Variants in MGAT3 observed in about 807,000 individuals in gnomAD.
MGAT3 encodes GlcNAc-T III.
MGAT3 carries 9 observed loss-of-function variants against 29.8 expected under a neutral mutation model. The ratio of observed to expected loss-of-function variants is 0.30; its 90% CI spans 0.18 to 0.53. MGAT3 has a LOEUF of 0.53. Ranked by LOEUF, MGAT3 falls within the 20% of genes least tolerant of loss-of-function variation. The pLI, the probability that MGAT3 is intolerant of heterozygous loss-of-function variation, is 0.96. For missense variants in MGAT3, 557 were observed against 769.5 expected, an observed-to-expected ratio of 0.72 and a Z score of 3.27; for synonymous variants, 397 against 348.9, an observed-to-expected ratio of 1.14 and a Z score of -1.54.
At chr22:39,460,901 A>G (rs1196654149) in intron 1 of MGAT3, among the ~76,000 whole-genome samples, 2 of 152,076 alleles carry the variant, frequency 1.3e-5, no homozygotes, top group Non-Finnish European at 2.9e-5. Context: ...TTCCAGAACG[A>G]GTCTCCCGAT....
chr22:39,485,289 GT>G (rs1221567606), intron 1 of MGAT3, among the ~76,000 whole-genome samples: 1 of 152,152 alleles, frequency 6.6e-6, no homozygotes, highest in Non-Finnish European at 1.5e-5. Context: ...ACGGTCGGAG[GT>G]GCTCTGTGGC....
In MGAT3 at chr22:39,488,505, C is replaced by T. The variant is rs769055226; in HGVS notation, c.1158C>T (p.Tyr386=). ...GCATCCGCCTGCGCCGCCGCCAGTA[C>T]TACACCATGCCCAACTTCAGACAGT... is the stretch of plus-strand genomic sequence containing the variant. ...LDGIRLRRRQ[Y]YTMPNFRQYE... is the part of the protein sequence containing the mutation. The change falls in exon 2 of 2, where the codon TAC becomes TAT. Residue 386 remains tyrosine, a synonymous_variant. Transcript: ENST00000341184. The T allele has an allele frequency of 2.5e-6, 4 of 1,613,230 alleles. No individual in the cohort carries two copies. In the East Asian group the frequency reaches 6.7e-5, roughly 27 times the overall value.
At position 39,488,061 on chromosome 22, in the gene MGAT3, C is replaced by T. The variant is rs5995740; in HGVS notation, c.714C>T (p.Cys238=). 1 of 1,612,570 alleles carries T rather than the reference C, an allele frequency of 6.2e-7. No individual in the cohort carries two copies. The highest frequency in any genetic ancestry group is 8.5e-7 in the Non-Finnish European group (1 of 1,179,252). The change falls in exon 2 of 2, where the codon TGC becomes TGT. Residue 238 remains cysteine, a synonymous_variant. Coordinates refer to ENST00000341184, the MANE Select transcript of MGAT3 (RefSeq NM_002409.5). ...ACGTGGTGGACGCCTTTGTGGTGTG[C>T]GAGTCCAACTTCACGGCTTATGGGG... The part of the protein sequence containing the change: ...LGDVVDAFVV[C]ESNFTAYGEP...
intron 1 of MGAT3, among the ~76,000 whole-genome samples, chr22:39,460,510 C>T (rs76605544): frequency 0.015 from 2,355 of 152,162 alleles, 56 homozygotes; most frequent in African/African-American, 0.054. Context: ...TCTAAAATGG[C>T]GCTGAGGCGA....
At chr22:39,459,359 C>T (rs1928435912) in intron 1 of MGAT3, among the ~76,000 whole-genome samples, 1 of 152,218 alleles carries the variant, frequency 6.6e-6, no homozygotes, top group Non-Finnish European at 1.5e-5. Flanking sequence ...CAGGCGTGAG[C>T]CACCTCGCCC....
intron 1 of MGAT3, among the ~76,000 whole-genome samples, chr22:39,473,394 C>T (rs868276752): frequency 5.3e-5 from 8 of 152,180 alleles, no homozygotes; most frequent in East Asian, 1.9e-4. Flanking sequence ...ATCAGGAACA[C>T]GATAACTAAC....
chr22:39,465,595 A>G (rs769168185), intron 1 of MGAT3, among the ~76,000 whole-genome samples: 1 of 152,058 alleles, frequency 6.6e-6, no homozygotes, highest in Non-Finnish European at 1.5e-5. Flanking sequence ...CTTAGCACTC[A>G]ATTTCCATAT....
At chr22:39,460,843 A>G (rs1928478569) in intron 1 of MGAT3, among the ~76,000 whole-genome samples, 2 of 152,124 alleles carry the variant, frequency 1.3e-5, no homozygotes, top group South Asian at 4.1e-4. Context: ...GTGCACTGTT[A>G]CTATTTGAAC....
chr22:39,471,768 G>A (rs918260870), intron 1 of MGAT3, among the ~76,000 whole-genome samples: 12 of 152,146 alleles, frequency 7.9e-5, no homozygotes, highest in African/African-American at 2.7e-4. Context: ...GGGCAGAGGG[G>A]CAGAGCGACA....
chr22:39,472,315 G>A (rs937315941), intron 1 of MGAT3, among the ~76,000 whole-genome samples: 2 of 152,164 alleles, frequency 1.3e-5, no homozygotes, highest in Non-Finnish European at 1.5e-5. Flanking sequence ...CCCTGTCCCT[G>A]CCCGGTACTT....
chr22:39,469,633 C>T (rs924074341), intron 1 of MGAT3, among the ~76,000 whole-genome samples: 3 of 152,238 alleles, frequency 2.0e-5, no homozygotes, highest in Admixed American at 6.5e-5. Context: ...CACTGCCACC[C>T]GGGGCACAAT....
In MGAT3 at chr22:39,489,564, G is replaced by A. The variant is rs1421277710; in HGVS notation, c.*615G>A. The A allele has an allele frequency of 5.9e-6, 1 of 168,914 alleles. No homozygotes were observed. Among genetic ancestry groups the A allele is most frequent in the Non-Finnish European group, 1.4e-5 (1 of 69,508 alleles). 10.5% of individuals were successfully genotyped at this position (168,914 alleles called of 1,614,324 possible). A position where few individuals can be genotyped will look rare whatever the true frequency, so the allele number is the denominator to read the frequency against. On this transcript the variant is annotated 3_prime_UTR_variant, in exon 2 of 2. Transcript: ENST00000341184. ...CAGAACTCCACCCCCTGCCGCAAAGGACAGGACCTGGCTGCCCTGGGATGC... is the reference window on the plus strand; with the variant it reads ...CAGAACTCCACCCCCTGCCGCAAAGAACAGGACCTGGCTGCCCTGGGATGC...
chr22:39,486,351 G>A (rs548242530), intron 1 of MGAT3: 11 of 269,102 alleles, frequency 4.1e-5, no homozygotes, highest in South Asian at 3.5e-4. Flanking sequence ...CACCATGTTG[G>A]CCAGGCTGGT....
Position 39,487,214 on chromosome 22 carries a change from A to C in MGAT3, c.-1-133A>C, listed in dbSNP as rs1601730530. On this transcript the variant is annotated intron_variant, in intron 1 of 1. Transcript: ENST00000341184. This position sits in a 1 kb window ranked among gnomAD's most constrained non-coding sequence, Gnocchi z 5.7. Reference sequence around the variant, plus strand: ...AGTTGACTCTTGGGGGCAGGAGGTCACTCCATGCAGGGGCAGCAGGTGCTG... The same window carrying C: ...AGTTGACTCTTGGGGGCAGGAGGTCCCTCCATGCAGGGGCAGCAGGTGCTG... 1.1e-6 allele frequency: 1 copy of C among 944,414 alleles called. No individual in the cohort carries two copies. Among genetic ancestry groups the C allele is most frequent in the African/African-American group, 1.7e-5 (1 of 60,294 alleles). The allele number at this position is 944,414 out of a possible 1,614,324, so 58.5% of individuals were successfully genotyped here.
At position 39,488,577 on chromosome 22, in the gene MGAT3, C is replaced by T. The variant is rs140766457; in HGVS notation, c.1230C>T (p.Ser410=). ...GHILVQWSLG[S]PLHFAGWHCS... is the part of the protein sequence containing the mutation. ...TCCTGGTGCAGTGGTCGCTGGGCAGCCCCCTGCACTTCGCCGGCTGGCACT... is the reference window on the plus strand; with the variant it reads ...TCCTGGTGCAGTGGTCGCTGGGCAGTCCCCTGCACTTCGCCGGCTGGCACT... The change falls in exon 2 of 2, where the codon AGC becomes AGT. Residue 410 remains serine, a synonymous_variant. Transcript: ENST00000341184. The T allele has an allele frequency of 8.7e-6, 14 of 1,613,190 alleles. No individual in the cohort carries two copies. The Middle Eastern group carries it at 1.3e-3, about 152-fold the overall frequency.
Position 39,487,466 on chromosome 22 carries a change from C to T in MGAT3, c.119C>T (p.Ser40Phe), listed in dbSNP as rs780555444. Residue 40 changes from serine to phenylalanine, a missense_variant, in exon 2 of 2, where the codon TCC (serine) becomes TTC (phenylalanine). Physicochemically the swap from Ser to Phe is radical, Grantham distance 155. Around this residue, in one of 3 missense-constraint regions of MGAT3, gnomAD observed 212 missense variants for 228.5 expected, o/e 0.93. Transcript: ENST00000341184. The surrounding 1 kb of genome is among the most constrained non-coding windows in gnomAD (Gnocchi z 5.7). ...GTCACCTTCCCCCGAGAACTGGCCTCCCTCAGCCCTAACCTGGTGTCCAGC... is the reference window on the plus strand; with the variant it reads ...GTCACCTTCCCCCGAGAACTGGCCTTCCTCAGCCCTAACCTGGTGTCCAGC... ...SYVTFPRELA[S>F]LSPNLVSSFF... The T allele has an allele frequency of 2.5e-6, 4 of 1,613,792 alleles. No homozygotes were observed. The highest frequency in any genetic ancestry group is 2.2e-5 in the South Asian group (2 of 91,068).
rs1473683915 is a variant in MGAT3, at chr22:39,491,455, C to T, written c.*2506C>T. The stretch of plus-strand genomic sequence containing the variant: ...CAGGCCCTGGCCTGGGGCCTCCCTC[C>T]TTGGCAGCTTTCCCACCCCCACGCC... On this transcript the variant is annotated 3_prime_UTR_variant, in exon 2 of 2. Transcript: ENST00000341184. This position sits in a 1 kb window ranked among gnomAD's most constrained non-coding sequence, Gnocchi z 5.5. 6.0e-6 allele frequency: 1 copy of T among 167,304 alleles called. No homozygotes were observed. Among genetic ancestry groups the T allele is most frequent in the East Asian group, 1.9e-4 (1 of 5,306 alleles). 10.4% of individuals were successfully genotyped at this position (167,304 alleles called of 1,614,324 possible). A position where few individuals can be genotyped will look rare whatever the true frequency, so the allele number is the denominator to read the frequency against.
At chr22:39,486,294 G>A (rs1007307178) in intron 1 of MGAT3, 7 of 327,568 alleles carry the variant, frequency 2.1e-5, no homozygotes, top group African/African-American at 9.1e-5. Context: ...ATAGGCATGC[G>A]CCACTACACT....
At chr22:39,464,430 A>T (rs1015052897) in intron 1 of MGAT3, among the ~76,000 whole-genome samples, 1 of 150,372 alleles carries the variant, frequency 6.7e-6, no homozygotes. Context: ...AAGGCATTTG[A>T]TGCATATTTC....
Sources: allele counts gnomAD v4.1 joint callset (sites outside exome capture counted in the v4.1 genomes callset), GRCh38; gene constraint gnomAD v4.1.1; regional missense constraint gnomAD v4.1.1; non-coding constraint Gnocchi (gnomAD v3.1); transcripts MANE v1.5; gene names NCBI Gene and HGNC (gene_info 2026-07-23, HGNC 2026-07-21).